The following SCAPER variants were observed in gnomAD, a reference collection of about 807,000 sequenced individuals.
The protein encoded by SCAPER is S phase cyclin A-associated protein in the endoplasmic reticulum.
SCAPER carries 98 observed loss-of-function variants against 182.2 expected under a neutral mutation model. The ratio of observed to expected loss-of-function variants is 0.54; its 90% confidence interval spans 0.46 to 0.64. The LOEUF (loss-of-function observed/expected upper bound fraction) is 0.64. Among genes scored for constraint, SCAPER ranks in the 30% least tolerant of loss-of-function variants. The pLI, the probability that SCAPER is intolerant of heterozygous loss-of-function variation, is 0.00. For synonymous variants in SCAPER, 605 were observed against 564.6 expected (o/e 1.07, Z -1.01); for missense variants, 1,432 against 1,690.0 (o/e 0.85, Z 2.68).
chr15:76,414,789 T>C (rs556195610), intron 26 of SCAPER, among the ~76,000 whole-genome samples: 4 of 152,296 alleles, frequency 2.6e-5, no homozygotes, highest in African/African-American at 7.2e-5. Context: ...ATAGTCACAG[T>C]TGGAGATTTT....
chr15:76,752,068 A>C (rs1276624144), intron 15 of SCAPER, among the ~76,000 whole-genome samples: 3 of 151,790 alleles, frequency 2.0e-5, no homozygotes, highest in Non-Finnish European at 4.4e-5. Flanking sequence ...AAGAATGTGA[A>C]AAGGATTTGA....
chr15:76,856,382 A>C (rs1482477667), intron 4 of SCAPER, among the ~76,000 whole-genome samples: 1 of 152,096 alleles, frequency 6.6e-6, no homozygotes, highest in Non-Finnish European at 1.5e-5. Context: ...CCTATATAAC[A>C]AACCTGCATA....
intron 23 of SCAPER, among the ~76,000 whole-genome samples, chr15:76,528,312 T>C (rs1394312330): frequency 1.3e-5 from 2 of 152,150 alleles, no homozygotes; most frequent in East Asian, 3.9e-4. Flanking sequence ...CTGTTTCCTT[T>C]ACTATATCTA....
intron 26 of SCAPER, among the ~76,000 whole-genome samples, chr15:76,413,372 G>T (rs2045428382): frequency 6.6e-6 from 1 of 151,994 alleles, no homozygotes; most frequent in Non-Finnish European, 1.5e-5. Context: ...TTCCTAATTT[G>T]CTGTTTATTT....
At position 76,593,100 on chromosome 15, in the gene SCAPER, TCTGAAGTCGAC is replaced by T. The variant is rs1363786157; in HGVS notation, c.2712-18827_2712-18817del. Among the ~76,000 whole-genome samples, 2 of 121,352 alleles carry T rather than the reference TCTGAAGTCGAC, an allele frequency of 1.6e-5. 1 individual carries two copies. The highest frequency in any genetic ancestry group is 4.0e-5 in the Non-Finnish European group (2 of 49,924). 79.6% of individuals were successfully genotyped at this position (121,352 alleles called of 152,430 possible). A position where few individuals can be genotyped will look rare whatever the true frequency, so the allele number is the denominator to read the frequency against. On this transcript the variant is annotated intron_variant, in intron 22 of 31. Coordinates refer to ENST00000563290, the MANE Select transcript of SCAPER (RefSeq NM_020843.4). The stretch of plus-strand genomic sequence containing the variant: ...GAAATTCTTGCTGCCAGCACAGCAG[TCTGAAGTCGAC>T]CTGGGAAGCTTGAGCTTGGTGTGGG...
At chr15:76,902,374 C>T (rs142266723) in intron 1 of SCAPER, among the ~76,000 whole-genome samples, 99 of 152,326 alleles carry the variant, frequency 6.5e-4, no homozygotes, top group African/African-American at 2.2e-3. Flanking sequence ...GAAAGACCAC[C>T]TGTTGTGTAC....
intron 20 of SCAPER, among the ~76,000 whole-genome samples, chr15:76,677,186 A>G (rs2057416544): frequency 6.6e-6 from 1 of 152,136 alleles, no homozygotes; most frequent in Admixed American, 6.5e-5. Context: ...CCTTCCTAAT[A>G]TAATTTTTAA....
At chr15:76,672,234 C>A (rs1297477808) in intron 20 of SCAPER, among the ~76,000 whole-genome samples, 1 of 152,182 alleles carries the variant, frequency 6.6e-6, no homozygotes, top group Non-Finnish European at 1.5e-5. Flanking sequence ...TAAGAGGGAT[C>A]TCTATGAAGT....
At chr15:76,470,825 CT>C (rs1231411979) in intron 25 of SCAPER, among the ~76,000 whole-genome samples, 1 of 152,168 alleles carries the variant, frequency 6.6e-6, no homozygotes, top group East Asian at 1.9e-4. Context: ...ACCCTTTTAA[CT>C]TAACCTGGCA....
intron 23 of SCAPER, among the ~76,000 whole-genome samples, chr15:76,555,969 CCACA>C (rs1597370028): frequency 1.3e-5 from 2 of 152,214 alleles, no homozygotes; most frequent in East Asian, 3.9e-4. Context: ...GGAAAACTGA[CCACA>C]CAATCAGCCA....
chr15:76,368,002 T>C (rs2041920266), intron 29 of SCAPER, among the ~76,000 whole-genome samples: 1 of 152,226 alleles, frequency 6.6e-6, no homozygotes. Context: ...ACTCAGGCTC[T>C]TCCTTAGACA....
At chr15:76,667,971 AC>A (rs1248294380) in intron 20 of SCAPER, among the ~76,000 whole-genome samples, 22 of 151,670 alleles carry the variant, frequency 1.5e-4, no homozygotes, top group African/African-American at 5.3e-4. Flanking sequence ...TAAAAAAAAA[AC>A]AAAAAAAAGT....
intron 26 of SCAPER, among the ~76,000 whole-genome samples, chr15:76,411,581 T>A (rs1300505413): frequency 6.6e-6 from 1 of 152,194 alleles, no homozygotes; most frequent in East Asian, 1.9e-4. Flanking sequence ...AAGACTGCTA[T>A]GAAAATCCAT....
chr15:76,593,879 A>C (rs1225763698), intron 22 of SCAPER, among the ~76,000 whole-genome samples: 1 of 121,434 alleles, frequency 8.2e-6, no homozygotes, highest in African/African-American at 2.5e-5. Flanking sequence ...AAACCAGCAC[A>C]AAAAGGCTGA....
chr15:76,602,730 G>A (rs992297645), intron 22 of SCAPER, among the ~76,000 whole-genome samples: 1 of 118,814 alleles, frequency 8.4e-6, no homozygotes, highest in African/African-American at 2.5e-5. Context: ...TTTTGCAGTT[G>A]TCCCACAGTT....
At chr15:76,621,570 A>G (rs2052057093) in intron 22 of SCAPER, among the ~76,000 whole-genome samples, 194 bp downstream of exon 22, 1 of 152,202 alleles carries the variant, frequency 6.6e-6, no homozygotes, top group Non-Finnish European at 1.5e-5. Flanking sequence ...AGTTGTGCTC[A>G]CAAGAACTGT....
chr15:76,420,271 T>C (rs2045938627), intron 26 of SCAPER, among the ~76,000 whole-genome samples: 1 of 147,076 alleles, frequency 6.8e-6, no homozygotes, highest in Admixed American at 6.8e-5. Context: ...AGATGGGGTC[T>C]ATGTTGCCTA....
intron 21 of SCAPER, among the ~76,000 whole-genome samples, chr15:76,660,961 T>C (rs960188042): frequency 6.6e-6 from 1 of 152,062 alleles, no homozygotes; most frequent in African/African-American, 2.4e-5. Context: ...AAATAACGTT[T>C]TAAATGATAT....
chr15:76,557,250 A>G (rs1603860), intron 23 of SCAPER, among the ~76,000 whole-genome samples: 1 of 152,022 alleles, frequency 6.6e-6, no homozygotes, highest in Non-Finnish European at 1.5e-5. Flanking sequence ...AATTAAAAAA[A>G]AAAATCTATT....
Sources: allele counts gnomAD v4.1 joint callset (sites outside exome capture counted in the v4.1 genomes callset), GRCh38; gene constraint gnomAD v4.1.1; transcripts MANE v1.5; gene names NCBI Gene and HGNC (gene_info 2026-07-23, HGNC 2026-07-21).